Variants in PTPRD observed in about 807,000 individuals in gnomAD.
The protein encoded by PTPRD is protein tyrosine phosphatase receptor type D, also known as receptor-type tyrosine-protein phosphatase delta.
Under a neutral mutation model 214.5 loss-of-function variants are expected in PTPRD, and 34 were observed. That is an observed-to-expected ratio of 0.16 (90% CI 0.12 to 0.21). The LOEUF (loss-of-function observed/expected upper bound fraction) is 0.21, where lower values mean the gene tolerates loss of function less well. PTPRD is among the 10% of genes least tolerant of loss of function. The pLI, the probability that PTPRD is intolerant of heterozygous loss-of-function variation, is 1.00. For missense variants in PTPRD, 2,545 were observed against 2,398.7 expected, an observed-to-expected ratio of 1.06 and a Z score of -1.27; for synonymous variants, 1,128 against 845.7, an observed-to-expected ratio of 1.33 and a Z score of -5.79.
At chr9:9,349,692 T>C (rs2050348494) in intron 9 of PTPRD, among the ~76,000 whole-genome samples, 2 of 151,830 alleles carry the variant, frequency 1.3e-5, no homozygotes, top group Admixed American at 6.6e-5. Context: ...CCAGTGATAA[T>C]AATCTTTCTC....
intron 9 of PTPRD, among the ~76,000 whole-genome samples, chr9:9,395,522 C>A (rs544430677): frequency 3.9e-5 from 6 of 151,928 alleles, no homozygotes; most frequent in African/African-American, 1.5e-4. Context: ...GATTTTGAAA[C>A]TTCTACTTCC....
At chr9:10,295,706 T>A (rs2095654116) in intron 3 of PTPRD, among the ~76,000 whole-genome samples, 1 of 152,092 alleles carries the variant, frequency 6.6e-6, no homozygotes, top group Non-Finnish European at 1.5e-5. Flanking sequence ...ATTCTTCAGA[T>A]GTAATTAAAG....
intron 4 of PTPRD, among the ~76,000 whole-genome samples, chr9:9,995,717 A>T (rs2096096644): frequency 6.6e-6 from 1 of 152,018 alleles, no homozygotes; most frequent in Admixed American, 6.6e-5. Flanking sequence ...CCTATTACCC[A>T]ATTACAGTGT....
At position 8,606,753 on chromosome 9, in the gene PTPRD, T is replaced by C. The variant is rs115074376; in HGVS notation, c.352+26564A>G. 4.3e-3 allele frequency among the ~76,000 whole-genome samples: 660 copies of C among 152,364 alleles called. 10 individuals are homozygous for C. Among genetic ancestry groups the C allele is most frequent in the African/African-American group, 0.015 (634 of 41,592 alleles). On this transcript the variant is annotated intron_variant, in intron 14 of 45. Transcript: ENST00000381196. ...TTATGCTAGAGGAAGGTCATTTTTA[T>C]ATCTATACAATAATCTCTCTCACCT...
chr9:9,215,269 A>C (rs2099951404), intron 9 of PTPRD, among the ~76,000 whole-genome samples: 1 of 152,176 alleles, frequency 6.6e-6, no homozygotes, highest in African/African-American at 2.4e-5. Context: ...AGTTTAACCC[A>C]GGTTATGCAA....
At chr9:8,370,009 A>G (rs2081029686) in intron 39 of PTPRD, among the ~76,000 whole-genome samples, 1 of 152,074 alleles carries the variant, frequency 6.6e-6, no homozygotes, top group Non-Finnish European at 1.5e-5. Context: ...AAAACAACAT[A>G]AGGAACAAGG....
At chr9:9,185,906 G>T (rs1294304571) in intron 9 of PTPRD, among the ~76,000 whole-genome samples, 3 of 148,390 alleles carry the variant, frequency 2.0e-5, no homozygotes, top group Admixed American at 6.8e-5. Flanking sequence ...CACCACACAA[G>T]TGCCTTTCTT....
At chr9:9,976,643 T>A (rs2095363038) in intron 4 of PTPRD, among the ~76,000 whole-genome samples, 1 of 112,234 alleles carries the variant, frequency 8.9e-6, no homozygotes, top group Admixed American at 1.3e-4. Context: ...CGCCTTGACC[T>A]CCCAAAATGC....
chr9:10,350,409 C>G (rs2097162111), intron 2 of PTPRD, among the ~76,000 whole-genome samples: 1 of 151,986 alleles, frequency 6.6e-6, no homozygotes, highest in Non-Finnish European at 1.5e-5. Context: ...GGGTGGCTCA[C>G]TTAATCTTTC....
intron 10 of PTPRD, among the ~76,000 whole-genome samples, chr9:9,075,595 G>A (rs184142635): frequency 2.6e-5 from 4 of 151,948 alleles, no homozygotes; most frequent in Admixed American, 2.6e-4. Context: ...GATGTGTGAT[G>A]TTCCCCACTC....
At chr9:9,759,129 T>C (rs1269816363) in intron 6 of PTPRD, among the ~76,000 whole-genome samples, 2 of 152,206 alleles carry the variant, frequency 1.3e-5, no homozygotes, top group Non-Finnish European at 2.9e-5. Flanking sequence ...TTAATTTCTA[T>C]CTTTGAGCAA....
chr9:8,667,691 G>A (rs1032267451), intron 12 of PTPRD, among the ~76,000 whole-genome samples: 1 of 151,912 alleles, frequency 6.6e-6, no homozygotes, highest in Non-Finnish European at 1.5e-5. Flanking sequence ...AAATATAAAT[G>A]AATTTTGTGT....
At chr9:9,992,517 A>G (rs2095976882) in intron 4 of PTPRD, among the ~76,000 whole-genome samples, 1 of 152,056 alleles carries the variant, frequency 6.6e-6, no homozygotes, top group Admixed American at 6.6e-5. Context: ...TTATAGCAGC[A>G]CTATTCACAA....
In PTPRD at chr9:8,489,562, T is replaced by A. The variant is rs547718218; in HGVS notation, c.2468-3213A>T. On this transcript the variant is annotated intron_variant, in intron 27 of 45. Transcript: ENST00000381196. Reference sequence around the variant, plus strand: ...GCAGCTTGGGGAAGAACACCCAATATCACCTCAGGAGAGGCTGGCCACATG... The same window carrying A: ...GCAGCTTGGGGAAGAACACCCAATAACACCTCAGGAGAGGCTGGCCACATG... Among the ~76,000 whole-genome samples, 14 of 152,242 alleles carry A rather than the reference T, an allele frequency of 9.2e-5. No individual in the cohort carries two copies. In the South Asian group the frequency reaches 2.9e-3, roughly 32 times the overall value.
chr9:9,344,467 A>G (rs538864959), intron 9 of PTPRD, among the ~76,000 whole-genome samples: 1 of 152,238 alleles, frequency 6.6e-6, no homozygotes, highest in African/African-American at 2.4e-5. Context: ...CATGTTCAGC[A>G]CATGTATCCC....
At chr9:10,379,365 T>C (rs1028098975) in intron 2 of PTPRD, among the ~76,000 whole-genome samples, 4 of 151,908 alleles carry the variant, frequency 2.6e-5, no homozygotes, top group Non-Finnish European at 5.9e-5. Flanking sequence ...TTTCTTTTTC[T>C]TGTCTGATTG....
At chr9:9,635,788 C>A (rs2095746955) in intron 7 of PTPRD, among the ~76,000 whole-genome samples, 1 of 152,166 alleles carries the variant, frequency 6.6e-6, no homozygotes, top group Non-Finnish European at 1.5e-5. Flanking sequence ...CAAACCATCT[C>A]AAATCTTGTC....
At chr9:10,048,389 C>T (rs745696524) in intron 3 of PTPRD, among the ~76,000 whole-genome samples, 3 of 152,138 alleles carry the variant, frequency 2.0e-5, no homozygotes, top group Non-Finnish European at 1.5e-5. Context: ...TTCATGGTGA[C>T]CTTCAACTTC....
chr9:9,890,301 A>G (rs1228640902), intron 5 of PTPRD, among the ~76,000 whole-genome samples: 3 of 151,664 alleles, frequency 2.0e-5, no homozygotes, highest in African/African-American at 7.3e-5. Flanking sequence ...GGCCTAAGCA[A>G]TCATCCCACC....
Sources: allele counts gnomAD v4.1 joint callset (sites outside exome capture counted in the v4.1 genomes callset), GRCh38; gene constraint gnomAD v4.1.1; transcripts MANE v1.5; gene names NCBI Gene and HGNC (gene_info 2026-07-23, HGNC 2026-07-21).